ATP10A: variants seen among roughly 807,000 people sequenced by gnomAD.
The protein encoded by ATP10A is phospholipid-transporting ATPase VA.
Under a neutral mutation model 147.8 loss-of-function variants are expected in ATP10A, and 111 were observed. That is an observed-to-expected ratio of 0.75 (90% CI 0.64 to 0.88). ATP10A has a LOEUF of 0.88. Among genes scored for constraint, ATP10A ranks in the 40% least tolerant of loss-of-function variants. The pLI, the probability that ATP10A is intolerant of heterozygous loss-of-function variation, is 0.00. For synonymous variants in ATP10A, 875 were observed against 841.6 expected (o/e 1.04, Z -0.69); for missense variants, 1,927 against 1,959.0 (o/e 0.98, Z 0.31).
Position 25,691,702 on chromosome 15 carries a change from G to A in ATP10A, c.3165+13C>T, listed in dbSNP as rs531270833. On this transcript the variant is annotated intron_variant, in intron 15 of 20. Coordinates refer to ENST00000555815, the MANE Select transcript of ATP10A (RefSeq NM_024490.4). ...GCCAATTGGTCACACAGAATAGCCT[G>A]ATTGGTCTTTACCTGCATACCCTCC... 4.6e-5 allele frequency: 75 copies of A among 1,614,036 alleles called. 1 individual carries two copies. The South Asian group carries it at 7.9e-4, about 17-fold the overall frequency.
At chr15:25,847,040 T>C (rs1224227200) in intron 1 of ATP10A, among the ~76,000 whole-genome samples, 1 of 152,196 alleles carries the variant, frequency 6.6e-6, no homozygotes, top group Non-Finnish European at 1.5e-5. Context: ...CATATACATT[T>C]TTCTAAAAAG....
chr15:25,692,892 C>T (rs576616758), intron 14 of ATP10A, among the ~76,000 whole-genome samples: 54 of 152,286 alleles, frequency 3.5e-4, no homozygotes, highest in Non-Finnish European at 4.3e-4. Flanking sequence ...CCTCAACCTC[C>T]TGGGCTCAAG....
Position 25,862,680 on chromosome 15 carries a change from C to G in ATP10A, c.417G>C (p.Lys139Asn). 6.2e-7 allele frequency: 1 copy of G among 1,600,842 alleles called. No homozygotes were observed. The highest frequency in any genetic ancestry group is 8.5e-7 in the Non-Finnish European group (1 of 1,171,580). ...AGACCAGGCAGCCCAGGTGGTTGAT[C>G]TTGTGGTCGGAGCGGTGGCGGCTGT... is the stretch of plus-strand genomic sequence containing the variant. ...EDYSRHRSDH[K>N]INHLGCLVFS... The change falls in exon 1 of 21, where the codon AAG (lysine) becomes AAC (asparagine). Residue 139 changes from lysine (K) to asparagine (N), a missense_variant. By Grantham distance (94) the Lys-to-Asn change is moderately conservative (BLOSUM62 0). Transcript: ENST00000555815.
chr15:25,755,083 C>T (rs1043594207), intron 2 of ATP10A, among the ~76,000 whole-genome samples: 3 of 152,192 alleles, frequency 2.0e-5, no homozygotes, highest in Non-Finnish European at 4.4e-5. Context: ...GTCTGAACTG[C>T]CTTTTTCCCT....
intron 3 of ATP10A, among the ~76,000 whole-genome samples, chr15:25,732,539 A>G (rs111920776): frequency 0.016 from 2,214 of 138,306 alleles, 62 homozygotes; most frequent in African/African-American, 0.055. Flanking sequence ...TACTGTGAGC[A>G]TTTCACATGC....
At chr15:25,845,603 C>A (rs1243365723) in intron 1 of ATP10A, among the ~76,000 whole-genome samples, 1 of 152,158 alleles carries the variant, frequency 6.6e-6, no homozygotes, top group Admixed American at 6.5e-5. Flanking sequence ...CTCTCCTGGG[C>A]TCCCTGGCCA....
chr15:25,705,096 G>C (rs1900897321), intron 12 of ATP10A, among the ~76,000 whole-genome samples: 1 of 152,140 alleles, frequency 6.6e-6, no homozygotes, highest in Admixed American at 6.5e-5. Context: ...GGAGAGAACG[G>C]AGATCCTTTC....
chr15:25,768,265 G>A (rs1322975747), intron 2 of ATP10A, among the ~76,000 whole-genome samples: 3 of 152,156 alleles, frequency 2.0e-5, no homozygotes, highest in Non-Finnish European at 4.4e-5. Context: ...GGGGCTCCTG[G>A]GCCACTGCTC....
chr15:25,813,306 C>T (rs532381090), intron 1 of ATP10A, among the ~76,000 whole-genome samples: 3 of 152,238 alleles, frequency 2.0e-5, no homozygotes, highest in East Asian at 3.9e-4. Flanking sequence ...ATTATCTCAG[C>T]GCTAGGGGAA....
intron 3 of ATP10A, among the ~76,000 whole-genome samples, chr15:25,727,968 CAGG>C (rs1902685266): frequency 6.6e-6 from 1 of 152,162 alleles, no homozygotes; most frequent in African/African-American, 2.4e-5. Flanking sequence ...GGCCAGAGCA[CAGG>C]TCACAGGGGG....
chr15:25,718,117 G>A (rs1229584579), intron 8 of ATP10A, 65 bp downstream of exon 8: 2 of 1,517,852 alleles, frequency 1.3e-6, no homozygotes, highest in Admixed American at 1.7e-5. Flanking sequence ...CCTTCCATGA[G>A]CGGGGGATGG....
intron 2 of ATP10A, among the ~76,000 whole-genome samples, chr15:25,771,027 G>A (rs1362286464): frequency 6.6e-6 from 1 of 152,198 alleles, no homozygotes; most frequent in Admixed American, 6.5e-5. Context: ...TGAAAATGCT[G>A]TAGAAAGTGC....
chr15:25,850,874 T>C (rs906762677), intron 1 of ATP10A, among the ~76,000 whole-genome samples: 1 of 152,180 alleles, frequency 6.6e-6, no homozygotes, highest in Non-Finnish European at 1.5e-5. Flanking sequence ...ATAAAAGTAG[T>C]GAAATGCTTT....
At position 25,679,947 on chromosome 15, in the gene ATP10A, C is replaced by G. The variant is rs3816800; in HGVS notation, c.3894G>C (p.Arg1298Ser). The change falls in exon 21 of 21, where the codon AGG becomes AGC. Residue 1298 changes from arginine (R) to serine (S), a missense_variant. Transcript: ENST00000555815. ...PRLFFRSLQG[R>S]VFPTQLQLAR... ...CCAGCTGAAGTTGTGTGGGGAAAAC[C>G]CTCCCCTGGAGGGATCTGAAAAACA... 751,204 of 1,601,962 alleles carry G rather than the reference C, an allele frequency of 0.47. 177,960 individuals are homozygous for G. Among genetic ancestry groups the G allele is most frequent in the African/African-American group, 0.52 (38,719 of 74,756 alleles).
At chr15:25,853,565 G>A (rs1368961433) in intron 1 of ATP10A, among the ~76,000 whole-genome samples, 1 of 152,068 alleles carries the variant, frequency 6.6e-6, no homozygotes, top group Non-Finnish European at 1.5e-5. Flanking sequence ...CCAGTGCCAG[G>A]GACACTGCCA....
chr15:25,705,464 AAACAAAAAAAAT>A (rs1567315611), intron 12 of ATP10A, among the ~76,000 whole-genome samples: 56 of 3,726 alleles, frequency 0.015, no homozygotes, highest in Admixed American at 0.082. Context: ...CAAAAAAAAA[AAACAAAAAAAAT>A]CACCTTCATG....
chr15:25,842,326 A>G (rs1892844795), intron 1 of ATP10A, among the ~76,000 whole-genome samples: 2 of 152,268 alleles, frequency 1.3e-5, no homozygotes, highest in South Asian at 2.1e-4. Context: ...CAGGAGATAA[A>G]ACAGAAGTCC....
rs773398769 is a variant in ATP10A at position 25,694,887 on chromosome 15, G to A, written c.3020C>T (p.Thr1007Met). The A allele has an allele frequency of 4.5e-5, 73 of 1,614,048 alleles. No individual in the cohort carries two copies. Among genetic ancestry groups the A allele is most frequent in the South Asian group, 1.6e-4 (15 of 91,088 alleles). ...CACCACCATGCTCTTCTGCAGAGGCGTCGACCGACAGCAGAGGACGGAGCG... is the reference window on the plus strand; with the variant it reads ...CACCACCATGCTCTTCTGCAGAGGCATCGACCGACAGCAGAGGACGGAGCG... ...QCRSVLCCRS[T>M]PLQKSMVVKL... Residue 1007 changes from threonine (T) to methionine (M), a missense_variant, in exon 14 of 21, where the codon ACG (threonine) becomes ATG (methionine). Physicochemically the swap from Thr to Met is moderately conservative, Grantham distance 81. Transcript: ENST00000555815.
intron 2 of ATP10A, among the ~76,000 whole-genome samples, chr15:25,779,417 T>C (rs1889785190): frequency 6.6e-6 from 1 of 152,210 alleles, no homozygotes; most frequent in Non-Finnish European, 1.5e-5. Context: ...TGCCCCTAAC[T>C]CTAGCTGAGA....
Sources: allele counts gnomAD v4.1 joint callset (sites outside exome capture counted in the v4.1 genomes callset), GRCh38; gene constraint gnomAD v4.1.1; transcripts MANE v1.5; gene names NCBI Gene and HGNC (gene_info 2026-07-23, HGNC 2026-07-21).